Variants in TUBGCP6 observed in about 807,000 individuals in gnomAD.
TUBGCP6 encodes the protein gamma-tubulin complex component 6.
TUBGCP6 carries 161 observed loss-of-function variants against 175.8 expected under a neutral mutation model. The observed-to-expected ratio is 0.92, with a 90% CI of 0.81 to 1.04. The LOEUF is 1.04. Ranked by LOEUF, TUBGCP6 falls within the 50% of genes least tolerant of loss-of-function variation. The pLI is 0.00. For missense variants in TUBGCP6, 2,572 were observed against 2,433.0 expected (o/e 1.06, Z -1.20); for synonymous variants, 1,173 against 1,030.5 (o/e 1.14, Z -2.65).
chr22:50,220,151 G>T, intron 16 of TUBGCP6, 100 bp downstream of exon 16: 1 of 1,549,082 alleles, frequency 6.5e-7, no homozygotes, highest in East Asian at 2.3e-5. Flanking sequence ...AAGGAGGCCT[G>T]AGGGGAACTT....
chr22:50,229,446 C>T lies in TUBGCP6; in HGVS notation c.1248G>A (p.Gln416=). The T allele has an allele frequency of 6.2e-7, 1 of 1,613,510 alleles. No homozygotes were observed. The highest frequency in any genetic ancestry group is 1.1e-5 in the South Asian group (1 of 90,968). Reference sequence around the variant, plus strand: ...TGCTGTACAAAGAGTCCAGGACGGGCTGCAGAGAGAAATGACTCAGGCGCG... The same window carrying T: ...TGCTGTACAAAGAGTCCAGGACGGGTTGCAGAGAGAAATGACTCAGGCGCG... ...CYTRLSHFSL[Q]PVLDSLYSKG... is the part of the protein sequence containing the mutation. The change falls in exon 4 of 25, where the codon CAG becomes CAA. Residue 416 remains glutamine, a synonymous_variant. Coordinates refer to ENST00000248846, the MANE Select transcript of TUBGCP6 (RefSeq NM_020461.4).
intron 3 of TUBGCP6, among the ~76,000 whole-genome samples, chr22:50,232,372 AAAAAAG>A (rs199505423): frequency 0.71 from 98,842 of 139,166 alleles, 35,019 homozygotes; most frequent in South Asian, 0.88. Flanking sequence ...TCTCAAAAAA[AAAAAAG>A]AAAAAGAAAA....
intron 2 of TUBGCP6, among the ~76,000 whole-genome samples, chr22:50,234,574 CCCACACCCCCGTCCACGGCAGCATCAT>C (rs2064742346): frequency 4.5e-5 from 6 of 132,038 alleles, no homozygotes; most frequent in South Asian, 5.3e-4. Context: ...GGCAGCATCG[CCCACACCCCCGTCCACGGCAGCATCAT>C]CCACACCCCT....
At chr22:50,233,885 G>A (rs1156432458) in intron 2 of TUBGCP6, among the ~76,000 whole-genome samples, 1 of 152,034 alleles carries the variant, frequency 6.6e-6, no homozygotes, top group African/African-American at 2.4e-5. Context: ...GTATTCTTCT[G>A]TTAGAAACAA....
At chr22:50,221,978 A>G (rs772218383) in intron 15 of TUBGCP6, 50 bp downstream of exon 15, 1 of 1,608,370 alleles carries the variant, frequency 6.2e-7, no homozygotes, top group Non-Finnish European at 8.5e-7. Context: ...CCAGGTGCCG[A>G]GGGCTATGGG....
In TUBGCP6 at chr22:50,219,375, G is replaced by A; in HGVS notation, c.4397C>T (p.Ala1466Val). 2.5e-6 allele frequency: 4 copies of A among 1,581,266 alleles called. No individual in the cohort carries two copies. The highest frequency in any genetic ancestry group is 2.3e-5 in the East Asian group (1 of 43,740). Residue 1466 changes from alanine to valine, a missense_variant, in exon 19 of 25, where the codon GCC (alanine) becomes GTC (valine). Physicochemically the swap from Ala to Val is moderately conservative, Grantham distance 64. Transcript: ENST00000248846. ...CAGCTGCACAGCAGTCTCATCAGCG[G>A]CAGACTGGACCTGGGGGTCCACGGG... Reference protein sequence around the residue: ...AFPVDPQVQSAADETAVQLSE... With the variant: ...AFPVDPQVQSVADETAVQLSE...
At chr22:50,226,519 G>C in intron 7 of TUBGCP6, 141 bp from the exon 8 acceptor site, 2 of 563,760 alleles carry the variant, frequency 3.5e-6, no homozygotes, top group Non-Finnish European at 6.1e-6. Flanking sequence ...AGTGGGGTGT[G>C]GCCATCCATG....
Position 50,227,978 on chromosome 22 carries a change from G to A in TUBGCP6, c.1341C>T (p.Val447=), listed in dbSNP as rs1464298490. ...RRYLQYYRAC[V]LSTPPTLSLL... ...GGCTCAGGGTGGGCGGAGTGGAAAG[G>A]ACGCAGGCCCGGTAATACTGCAGGT... is the stretch of plus-strand genomic sequence containing the variant. Residue 447 remains valine (V), a synonymous_variant, in exon 5 of 25, where the codon GTC becomes GTT. Transcript: ENST00000248846. The A allele has an allele frequency of 1.5e-5, 24 of 1,571,766 alleles. No individual in the cohort carries two copies. Among genetic ancestry groups the A allele is most frequent in the Non-Finnish European group, 2.1e-5 (24 of 1,158,334 alleles).
At chr22:50,228,944 G>A (rs896456163) in intron 4 of TUBGCP6, among the ~76,000 whole-genome samples, 6 of 152,160 alleles carry the variant, frequency 3.9e-5, no homozygotes, top group African/African-American at 1.4e-4. Context: ...CCTGTCCCAT[G>A]GGCCTCTTCC....
At chr22:50,235,104 T>C (rs912029483) in intron 2 of TUBGCP6, among the ~76,000 whole-genome samples, 2 of 139,640 alleles carry the variant, frequency 1.4e-5, no homozygotes, top group East Asian at 2.2e-4. Flanking sequence ...TCCACAACCC[T>C]ATCCACTGCA....
chr22:50,218,976 C>T (rs1331956309), intron 20 of TUBGCP6, 79 bp from the exon 21 acceptor site: 20 of 1,589,716 alleles, frequency 1.3e-5, no homozygotes, highest in Non-Finnish European at 1.7e-5. Context: ...GGGGCTGTGC[C>T]AGAGCAGCAG....
In TUBGCP6 at chr22:50,240,355, C is replaced by G. The variant is rs1281883046; in HGVS notation, c.754G>C (p.Val252Leu). The change falls in exon 2 of 25, where the codon GTG becomes CTG. Residue 252 changes from valine (V) to leucine (L), a missense_variant. By Grantham distance (32) the Val-to-Leu change is conservative (BLOSUM62 1). Transcript: ENST00000248846. ...SGLAIKVPPS[V>L]DQWEDEGFQS... ...AATCCTTCGTCTTCCCACTGATCCA[C>G]ACTCGGTGGGACCTGGAGACACAGG... 7.4e-6 allele frequency: 12 copies of G among 1,611,662 alleles called. No individual in the cohort carries two copies. The highest frequency in any genetic ancestry group is 1.0e-5 in the Non-Finnish European group (12 of 1,179,140).
At chr22:50,227,138 G>C (rs954094642) in intron 5 of TUBGCP6, 61 bp from the exon 6 acceptor site, 1 of 1,472,758 alleles carries the variant, frequency 6.8e-7, no homozygotes. Flanking sequence ...GCCTGGATCA[G>C]ATCGTGAGCA....
At position 50,219,736 on chromosome 22, in the gene TUBGCP6, G is replaced by A. The variant is rs142798996; in HGVS notation, c.4223C>T (p.Ala1408Val). The change falls in exon 18 of 25, where the codon GCG becomes GTG. Residue 1408 changes from alanine to valine, a missense_variant. Transcript: ENST00000248846. ...CTGCTCCCCACCCTGAGCCTCCGCC[G>A]CCGATGCCTCCGCCTCCTCACCACG... The part of the protein sequence containing the change: ...PGRGEEAEAS[A>V]AEAQGGEQAY... The A allele has an allele frequency of 1.4e-3, 2,267 of 1,613,782 alleles. 39 individuals carry two copies. The East Asian group carries it at 0.029, about 21-fold the overall frequency.
Position 50,224,185 on chromosome 22 carries a change from CT to C in TUBGCP6, c.2225del (p.Glu742GlyfsTer4). ...FSYARELRDR[E>X]RRLKSLEEEL... ...CCTCCTCCAGGGACTTCAGCCTTCTCTCCCTGTCTCGGAGTTCACGGGCGTA... is the reference window on the plus strand; with the variant it reads ...CCTCCTCCAGGGACTTCAGCCTTCTCCCCTGTCTCGGAGTTCACGGGCGTA... On this transcript the variant is annotated frameshift_variant, in exon 13 of 25. Coordinates refer to ENST00000248846, the MANE Select transcript of TUBGCP6 (RefSeq NM_020461.4). LOFTEE classifies it high-confidence loss of function. 1 of 1,614,140 alleles carries C rather than the reference CT, an allele frequency of 6.2e-7. No individual in the cohort carries two copies.
At position 50,220,991 on chromosome 22, in the gene TUBGCP6, T is replaced by A. The variant is rs1372637610; in HGVS notation, c.3368A>T (p.Asp1123Val). ...ASIRVGENVS[D>V]VAPTRPRWNT... Reference sequence around the variant, plus strand: ...CCACCGTGGCCTGGTGGGAGCCACATCTGACACATTCTCCCCGACCCTGAT... The same window carrying A: ...CCACCGTGGCCTGGTGGGAGCCACAACTGACACATTCTCCCCGACCCTGAT... The change falls in exon 16 of 25, where the codon GAT (aspartate) becomes GTT (valine). Residue 1123 changes from aspartate (D) to valine (V), a missense_variant. Transcript: ENST00000248846. The A allele has an allele frequency of 2.5e-6, 4 of 1,611,486 alleles. No homozygotes were observed. The highest frequency in any genetic ancestry group is 3.4e-6 in the Non-Finnish European group (4 of 1,179,162).
rs199819496 is a variant in TUBGCP6, at chr22:50,219,188, G to C, written c.4506C>G (p.Ala1502=). The change falls in exon 20 of 25, where the codon GCC becomes GCG. Residue 1502 remains alanine (A), a synonymous_variant. Coordinates refer to ENST00000248846, the MANE Select transcript of TUBGCP6 (RefSeq NM_020461.4). ...GCTCCACGAAGAAGTAGTCGACAGC[G>C]GCCTTGTTCACCAAGGAGATGCTGG... is the stretch of plus-strand genomic sequence containing the variant. ...LAAHISLVNK[A]AVDYFFVELH... is the part of the protein sequence containing the mutation. The C allele has an allele frequency of 1.9e-6, 3 of 1,611,582 alleles. No homozygotes were observed. The highest frequency in any genetic ancestry group is 1.7e-5 in the Admixed American group (1 of 60,018).
At chr22:50,242,428 T>C (rs1209562352) in intron 1 of TUBGCP6, among the ~76,000 whole-genome samples, 1 of 151,656 alleles carries the variant, frequency 6.6e-6, no homozygotes, top group Non-Finnish European at 1.5e-5. Flanking sequence ...ACCCAGGAGA[T>C]GGAGGTTGCA....
rs1194705911 is a variant in TUBGCP6, at chr22:50,224,425, A to G, written c.2066-5T>C. The G allele has an allele frequency of 1.2e-6, 2 of 1,614,144 alleles. No homozygotes were observed. The highest frequency in any genetic ancestry group is 1.1e-5 in the South Asian group (1 of 91,084). ...TCCGTTCTGACATCTGCCGGTCTAC[A>G]TTGGGACAGTAAGGGGCGCACTGTC... On this transcript the variant is annotated splice_region_variant and splice_polypyrimidine_tract_variant and intron_variant, in intron 11 of 24. Coordinates refer to ENST00000248846, the MANE Select transcript of TUBGCP6 (RefSeq NM_020461.4).
Sources: gnomAD v4.1 joint callset for allele counts (sites outside exome capture counted in the v4.1 genomes callset) on GRCh38, gnomAD v4.1.1 for gene constraint, MANE v1.5 for transcripts, NCBI Gene and HGNC (gene_info 2026-07-23, HGNC 2026-07-21) for gene names.